Variants in MUC5B observed in about 807,000 individuals in gnomAD.
MUC5B encodes the protein mucin 5B, oligomeric mucus/gel-forming.
A neutral mutation model predicts 376.9 loss-of-function variants in MUC5B; 116 were observed. The ratio of observed to expected loss-of-function variants is 0.31; its 90% CI spans 0.26 to 0.36. The LOEUF is 0.36. Among genes scored for constraint, MUC5B ranks in the 10% least tolerant of loss-of-function variants. MUC5B has a pLI of 1.00. For synonymous variants in MUC5B, 3,517 were observed against 3,390.9 expected, an observed-to-expected ratio of 1.04 and a Z score of -1.29; for missense variants, 7,165 against 7,769.9, an observed-to-expected ratio of 0.92 and a Z score of 2.93.
rs1249186965 is a variant in MUC5B, at chr11:1,257,667, C to G, written c.16407C>G (p.Thr5469=). The G allele has an allele frequency of 6.3e-7, 1 of 1,582,958 alleles. No homozygotes were observed. Among genetic ancestry groups the G allele is most frequent in the Non-Finnish European group, 8.5e-7 (1 of 1,171,818 alleles). ...PCNRPGFVTV[T]RPRAENPCCP... is the part of the protein sequence containing the mutation. ...ACCGTCCCGGCTTCGTAACCGTGAC[C>G]AGGCCCCGGGCCGAGAACCCCTGCT... Residue 5469 remains threonine, a synonymous_variant, in exon 41 of 49, where the codon ACC becomes ACG. Transcript: ENST00000529681. This position sits in a 1 kb window ranked among gnomAD's most constrained non-coding sequence, Gnocchi z 8.9.
At position 1,231,764 on chromosome 11, in the gene MUC5B, G is replaced by A. The variant is rs187615098; in HGVS notation, c.1678+204G>A. Among the ~76,000 whole-genome samples, 372 of 152,332 alleles carry A rather than the reference G, an allele frequency of 2.4e-3. 5 individuals carry two copies. Among genetic ancestry groups the A allele is most frequent in the African/African-American group, 8.7e-3 (360 of 41,580 alleles). On this transcript the variant is annotated intron_variant, in intron 14 of 48. Transcript: ENST00000529681. The stretch of plus-strand genomic sequence containing the variant: ...AAGCAGCCAGCTGGGAGGATGGAGC[G>A]GGCAGCCCTGCCCTGGCTCAGGCCG...
Position 1,249,047 on chromosome 11 carries a change from C to G in MUC5B, c.12167C>G (p.Thr4056Ser). 1 of 1,610,692 alleles carries G rather than the reference C, an allele frequency of 6.2e-7. No homozygotes were observed. Among genetic ancestry groups the G allele is most frequent in the South Asian group, 1.1e-5 (1 of 90,844 alleles). ...ACTTCCCACACCCCAGCAGCAACCA[C>G]CGGTACCACCCAGCACTCGACTCCA... ...TGTSHTPAAT[T>S]GTTQHSTPAL... Residue 4056 changes from threonine (T) to serine (S), a missense_variant, in exon 31 of 49, where the codon ACC (threonine) becomes AGC (serine). Coordinates refer to ENST00000529681, the MANE Select transcript of MUC5B (RefSeq NM_002458.3).
In MUC5B at chr11:1,254,826, T is replaced by A. The variant is rs771961665; in HGVS notation, c.15610T>A (p.Phe5204Ile). The change falls in exon 35 of 49, where the codon TTC (phenylalanine) becomes ATC (isoleucine). Residue 5204 changes from phenylalanine (F) to isoleucine (I), a missense_variant. Coordinates refer to ENST00000529681, the MANE Select transcript of MUC5B (RefSeq NM_002458.3). ...GAGCGTCACCTTCAATGGCCAAGTC[T>A]TCCAGGCCCGGCTGCCCTACAGCCT... ...GVSVTFNGQV[F>I]QARLPYSLFH... is the part of the protein sequence containing the mutation. The A allele has an allele frequency of 1.2e-6, 2 of 1,612,570 alleles. No individual in the cohort carries two copies.
At position 1,242,237 on chromosome 11, in the gene MUC5B, C is replaced by T. The variant is rs371254219; in HGVS notation, c.5357C>T (p.Pro1786Leu). ...AGCCAGGGCACGACCCGCTGTCAACCGAAGTGTGAGTGGACAGAGTGGTTT... is the reference window on the plus strand; with the variant it reads ...AGCCAGGGCACGACCCGCTGTCAACTGAAGTGTGAGTGGACAGAGTGGTTT... ...TTSQGTTRCQ[P>L]KCEWTEWFDV... Residue 1786 changes from proline to leucine, a missense_variant, in exon 31 of 49, where the codon CCG (proline) becomes CTG (leucine). Around this residue, in one of 31 missense-constraint regions of MUC5B, gnomAD observed 897 missense variants for 779.6 expected, o/e 1.15. Transcript: ENST00000529681. The T allele has an allele frequency of 3.1e-5, 50 of 1,613,696 alleles. No homozygotes were observed. In the Admixed American group the frequency reaches 3.2e-4, roughly 10 times the overall value.
chr11:1,236,464 C>T lies in MUC5B; in HGVS notation c.2959C>T (p.Arg987Cys), dbSNP rs1210406390. The T allele has an allele frequency of 6.2e-6, 10 of 1,613,052 alleles. No individual in the cohort carries two copies. The highest frequency in any genetic ancestry group is 8.5e-6 in the Non-Finnish European group (10 of 1,179,814). The change falls in exon 24 of 49, where the codon CGC becomes TGC. Residue 987 changes from arginine (R) to cysteine (C), a missense_variant. Coordinates refer to ENST00000529681, the MANE Select transcript of MUC5B (RefSeq NM_002458.3). Reference sequence around the variant, plus strand: ...GGGTGGGGACCCACCCTACAAGATACGCTACATGGGGATCTTCCTGGTCAT... The same window carrying T: ...GGGTGGGGACCCACCCTACAAGATATGCTACATGGGGATCTTCCTGGTCAT... The part of the protein sequence containing the change: ...GPGGDPPYKI[R>C]YMGIFLVIET...
In MUC5B at chr11:1,244,579, C is replaced by G. The variant is rs772921796; in HGVS notation, c.7699C>G (p.Pro2567Ala). The change falls in exon 31 of 49, where the codon CCC (proline) becomes GCC (alanine). Residue 2567 changes from proline (P) to alanine (A), a missense_variant. By Grantham distance (27) the Pro-to-Ala change is conservative. Transcript: ENST00000529681. ...TPTATMSTAT[P>A]SSTPETVHTS... Reference sequence around the variant, plus strand: ...CACGGCCACCATGTCCACAGCCACACCCTCCTCCACTCCAGAGACTGTCCA... The same window carrying G: ...CACGGCCACCATGTCCACAGCCACAGCCTCCTCCACTCCAGAGACTGTCCA... 1.9e-6 allele frequency: 3 copies of G among 1,613,484 alleles called. No individual in the cohort carries two copies. The highest frequency in any genetic ancestry group is 2.2e-5 in the South Asian group (2 of 91,056).
At position 1,248,843 on chromosome 11, in the gene MUC5B, G is replaced by A. The variant is rs1298239806; in HGVS notation, c.11963G>A (p.Ser3988Asn). Reference sequence around the variant, plus strand: ...GCCACCACACCTGCAGCCACCAGCAGCACAGTGACTCCCTCCTCTGCCCTA... The same window carrying A: ...GCCACCACACCTGCAGCCACCAGCAACACAGTGACTCCCTCCTCTGCCCTA... ...TTATTPAATS[S>N]TVTPSSALGT... The change falls in exon 31 of 49, where the codon AGC becomes AAC. Residue 3988 changes from serine to asparagine, a missense_variant. Physicochemically the swap from Ser to Asn is conservative, Grantham distance 46. Around this residue, in one of 31 missense-constraint regions of MUC5B, gnomAD observed 47 missense variants for 98.5 expected, o/e 0.48. Transcript: ENST00000529681. 2.8e-5 allele frequency: 43 copies of A among 1,543,372 alleles called. No individual in the cohort carries two copies. The Admixed American group carries it at 3.4e-4, about 12-fold the overall frequency.
chr11:1,233,695 C>A, intron 18 of MUC5B, 98 bp from the exon 19 acceptor site: 1 of 1,229,368 alleles, frequency 8.1e-7, no homozygotes, highest in Non-Finnish European at 1.2e-6. Flanking sequence ...GGTGGCCAGG[C>A]TGGGGAGGCC....
In MUC5B at chr11:1,245,147, G is replaced by A; in HGVS notation, c.8267G>A (p.Gly2756Glu). 1 of 1,555,318 alleles carries A rather than the reference G, an allele frequency of 6.4e-7. No homozygotes were observed. The highest frequency in any genetic ancestry group is 8.7e-7 in the Non-Finnish European group (1 of 1,149,176). Residue 2756 changes from glycine to glutamate, a missense_variant, in exon 31 of 49, where the codon GGG (glycine) becomes GAG (glutamate). Around this residue, in one of 31 missense-constraint regions of MUC5B, gnomAD observed 70 missense variants for 169.1 expected, o/e 0.41. Coordinates refer to ENST00000529681, the MANE Select transcript of MUC5B (RefSeq NM_002458.3). ...PVPNTTATTH[G>E]RSLSPSSPHT... ...CCGAACACCACGGCCACCACACACG[G>A]GCGATCCCTGTCCCCCAGCAGTCCC...
Position 1,250,485 on chromosome 11 carries a change from C to A in MUC5B, c.13605C>A (p.Thr4535=). 6 of 1,598,880 alleles carry A rather than the reference C, an allele frequency of 3.8e-6. No individual in the cohort carries two copies. In the African/African-American group the frequency reaches 4.0e-5, roughly 11 times the overall value. ...CCTCCTCCCTGGGCACCACCTGGACCCGCCTATCACAGACCACCACACCCA... is the reference window on the plus strand; with the variant it reads ...CCTCCTCCCTGGGCACCACCTGGACACGCCTATCACAGACCACCACACCCA... ...IPSSSLGTTW[T]RLSQTTTPTA... The change falls in exon 31 of 49, where the codon ACC becomes ACA. Residue 4535 remains threonine, a synonymous_variant. Coordinates refer to ENST00000529681, the MANE Select transcript of MUC5B (RefSeq NM_002458.3).
At position 1,227,501 on chromosome 11, in the gene MUC5B, A is replaced by G. The variant is rs2075854; in HGVS notation, c.667+103A>G. The G allele has an allele frequency of 0.45, 399,035 of 882,366 alleles. 97,277 individuals are homozygous for G. The highest frequency in any genetic ancestry group is 0.82 in the African/African-American group (49,729 of 60,504). 54.7% of individuals were successfully genotyped at this position (882,366 alleles called of 1,614,324 possible). A position where few individuals can be genotyped will look rare whatever the true frequency, so the allele number is the denominator to read the frequency against. On this transcript the variant is annotated intron_variant, in intron 6 of 48. Transcript: ENST00000529681. ...GGGGGCGGAGTGGGGACCGGGCACC[A>G]GGCAGGGAGGGGCCACGAGGACTGT...
Position 1,255,213 on chromosome 11 carries a change from A to ACCCACC in MUC5B, c.15846_15851dup (p.Thr5283_Pro5284dup). ...GCCCCGCAGCCCCGGTGTCTAGCAC[A>ACCCACC]CCCACCCCCACCCCATGCCCACCAC... On this transcript the variant is annotated inframe_insertion, in exon 36 of 49. Coordinates refer to ENST00000529681, the MANE Select transcript of MUC5B (RefSeq NM_002458.3). 6.9e-7 allele frequency: 1 copy of ACCCACC among 1,448,562 alleles called. No homozygotes were observed. Among genetic ancestry groups the ACCCACC allele is most frequent in the Non-Finnish European group, 9.3e-7 (1 of 1,078,870 alleles). The allele number at this position is 1,448,562 out of a possible 1,614,324, so 89.7% of individuals were successfully genotyped here.
Position 1,251,044 on chromosome 11 carries a change from A to G in MUC5B, c.14164A>G (p.Lys4722Glu). 14 of 1,611,254 alleles carry G rather than the reference A, an allele frequency of 8.7e-6. No homozygotes were observed. The highest frequency in any genetic ancestry group is 1.1e-5 in the Non-Finnish European group (13 of 1,178,192). Residue 4722 changes from lysine to glutamate, a missense_variant, in exon 31 of 49, where the codon AAA becomes GAA. Around this residue, in one of 31 missense-constraint regions of MUC5B, gnomAD observed 730 missense variants for 592.7 expected, o/e 1.23. Coordinates refer to ENST00000529681, the MANE Select transcript of MUC5B (RefSeq NM_002458.3). Reference sequence around the variant, plus strand: ...CACCACACCCGCAGCCACCAGCTCCAAAGCCACTTCCTCCTCCAGTCCAAG... The same window carrying G: ...CACCACACCCGCAGCCACCAGCTCCGAAGCCACTTCCTCCTCCAGTCCAAG... ...TATTPAATSS[K>E]ATSSSSPRTA...
At position 1,242,018 on chromosome 11, in the gene MUC5B, A is replaced by G. The variant is rs367971321; in HGVS notation, c.5138A>G (p.Gln1713Arg). ...AGCTTGGGCACATGGCGCCCCTCACAGCCACCCACGCTGGCCCCAACAACA... is the reference window on the plus strand; with the variant it reads ...AGCTTGGGCACATGGCGCCCCTCACGGCCACCCACGCTGGCCCCAACAACA... ...TGSLGTWRPS[Q>R]PPTLAPTTMA... Residue 1713 changes from glutamine to arginine, a missense_variant, in exon 31 of 49, where the codon CAG becomes CGG. Gln to Arg is a conservative substitution (Grantham distance 43). This residue lies in a region of MUC5B where 897 missense variants were observed against 779.6 expected (regional missense o/e 1.15). Coordinates refer to ENST00000529681, the MANE Select transcript of MUC5B (RefSeq NM_002458.3). 2.5e-6 allele frequency: 4 copies of G among 1,586,318 alleles called. No individual in the cohort carries two copies. The African/African-American group carries it at 5.4e-5, about 21-fold the overall frequency.
Position 1,242,689 on chromosome 11 carries a change from A to G in MUC5B, c.5809A>G (p.Lys1937Glu), listed in dbSNP as rs750675453. 13 of 1,613,468 alleles carry G rather than the reference A, an allele frequency of 8.1e-6. No homozygotes were observed. ...TSTLRTAPPP[K>E]VLTTTATTPT... The stretch of plus-strand genomic sequence containing the variant: ...CACCCTGAGAACAGCTCCCCCTCCC[A>G]AAGTGCTGACCACCACGGCCACCAC... The change falls in exon 31 of 49, where the codon AAA becomes GAA. Residue 1937 changes from lysine to glutamate, a missense_variant. Physicochemically the swap from Lys to Glu is moderately conservative, Grantham distance 56. Coordinates refer to ENST00000529681, the MANE Select transcript of MUC5B (RefSeq NM_002458.3).
At chr11:1,237,360 C>T (rs1488996113) in intron 25 of MUC5B, among the ~76,000 whole-genome samples, 196 bp downstream of exon 25, 3 of 152,228 alleles carry the variant, frequency 2.0e-5, no homozygotes, top group Non-Finnish European at 2.9e-5. Context: ...GCCCCTGGCA[C>T]GAAGCCATCT....
Position 1,234,775 on chromosome 11 carries a change from G to A in MUC5B, c.2630+95G>A, listed in dbSNP as rs1862118005. ...CAGCGGGCAGGGAGGGCAGGGGGCG[G>A]GGAGGGCAGGGGGCCAGCTGGCCAG... On this transcript the variant is annotated intron_variant, in intron 21 of 48. Transcript: ENST00000529681. The surrounding 1 kb of genome is among the most constrained non-coding windows in gnomAD (Gnocchi z 6.3). The A allele has an allele frequency of 1.1e-6, 1 of 948,074 alleles. No individual in the cohort carries two copies. Among genetic ancestry groups the A allele is most frequent in the Non-Finnish European group, 1.5e-6 (1 of 661,678 alleles). 58.7% of individuals were successfully genotyped at this position (948,074 alleles called of 1,614,324 possible).
At position 1,228,634 on chromosome 11, in the gene MUC5B, C is replaced by T. The variant is rs371465585; in HGVS notation, c.845C>T (p.Ala282Val). 4.0e-5 allele frequency: 62 copies of T among 1,534,068 alleles called. No individual in the cohort carries two copies. The highest frequency in any genetic ancestry group is 2.3e-4 in the Middle Eastern group (1 of 4,414). ...AECHALVDSTAYLAACAQDLC... is the reference protein window; with the variant it reads ...AECHALVDSTVYLAACAQDLC... ...TGCCACGCACTGGTGGACAGCACTG[C>T]GTACCTGGCCGCCTGCGCCCAGGAC... Residue 282 changes from alanine to valine, a missense_variant, in exon 8 of 49, where the codon GCG becomes GTG. Physicochemically the swap from Ala to Val is moderately conservative, Grantham distance 64. This residue lies in a region of MUC5B where 640 missense variants were observed against 733.0 expected (regional missense o/e 0.87). Coordinates refer to ENST00000529681, the MANE Select transcript of MUC5B (RefSeq NM_002458.3).
Position 1,262,015 on chromosome 11 carries a change from C to T in MUC5B, c.*407C>T, listed in dbSNP as rs1324230109. On this transcript the variant is annotated 3_prime_UTR_variant, in exon 49 of 49. Transcript: ENST00000529681. ...TGGTCCAGGCAAGGCCAGCTGCTGC[C>T]AGGAAGCTGCGACAGGCAAGGCGGC... 3 of 499,460 alleles carry T rather than the reference C, an allele frequency of 6.0e-6. No individual in the cohort carries two copies. In the Admixed American group the frequency reaches 6.7e-5, roughly 11 times the overall value. The allele number at this position is 499,460 out of a possible 1,614,324, so 30.9% of individuals were successfully genotyped here.
Sources: allele counts gnomAD v4.1 joint callset (sites outside exome capture counted in the v4.1 genomes callset), GRCh38; gene constraint gnomAD v4.1.1; regional missense constraint gnomAD v4.1.1; non-coding constraint Gnocchi (gnomAD v3.1); transcripts MANE v1.5; gene names NCBI Gene and HGNC (gene_info 2026-07-23, HGNC 2026-07-21).